Variants in DCHS2 observed in about 807,000 individuals in gnomAD.
DCHS2 encodes dachsous cadherin-related 2.
A neutral mutation model predicts 182.4 loss-of-function variants in DCHS2; 142 were observed. The ratio of observed to expected loss-of-function variants is 0.78; its 90% CI spans 0.68 to 0.89. DCHS2 has a LOEUF of 0.89. Ranked by LOEUF, DCHS2 falls within the 40% of genes least tolerant of loss-of-function variation. The probability of loss-of-function intolerance (pLI) is 0.00; values close to 1 mark genes in which losing one functional copy is unlikely to be tolerated. For synonymous variants in DCHS2, 1,740 were observed against 1,663.3 expected (o/e 1.05, Z -1.12); for missense variants, 4,319 against 4,198.6 (o/e 1.03, Z -0.79).
At chr4:154,334,701 C>T in intron 4 of DCHS2, 167 bp downstream of exon 4, 2 of 589,960 alleles carry the variant, frequency 3.4e-6, no homozygotes, top group Non-Finnish European at 6.0e-6. Flanking sequence ...GTGGGATGGA[C>T]AGAAACAATG....
intron 1 of DCHS2, among the ~76,000 whole-genome samples, chr4:154,399,015 C>T (rs1579046816): frequency 6.6e-6 from 1 of 152,298 alleles, no homozygotes; most frequent in African/African-American, 2.4e-5. Flanking sequence ...ACGATCAGCA[C>T]GAGCCCTCCG....
intron 18 of DCHS2, among the ~76,000 whole-genome samples, 200 bp from the exon 19 acceptor site, chr4:154,239,502 G>A (rs1731699394): frequency 6.6e-6 from 1 of 152,066 alleles, no homozygotes; most frequent in Non-Finnish European, 1.5e-5. Context: ...CAGAAAAAAA[G>A]GTGTTGTTTT....
chr4:154,263,630 T>G (rs1408301631), intron 14 of DCHS2, among the ~76,000 whole-genome samples: 6 of 144,638 alleles, frequency 4.1e-5, no homozygotes, highest in Non-Finnish European at 9.0e-5. Flanking sequence ...TAGGAAAAAC[T>G]AGCATAAAGC....
At chr4:154,304,146 A>G (rs1385409816) in intron 12 of DCHS2, among the ~76,000 whole-genome samples, 1 of 151,802 alleles carries the variant, frequency 6.6e-6, no homozygotes, top group African/African-American at 2.4e-5. Flanking sequence ...TGGTAGCTAA[A>G]GACAGAGACT....
Position 154,490,932 on chromosome 4 carries a change from C to G in DCHS2, c.424G>C (p.Val142Leu). 6.4e-7 allele frequency: 1 copy of G among 1,551,070 alleles called. No individual in the cohort carries two copies. Among genetic ancestry groups the G allele is most frequent in the Non-Finnish European group, 8.7e-7 (1 of 1,146,870 alleles). The change falls in exon 1 of 20, where the codon GTC becomes CTC. Residue 142 changes from valine (V) to leucine (L), a missense_variant. Val to Leu is a conservative substitution (Grantham distance 32, BLOSUM62 1). Transcript: ENST00000357232. ...DRERRDHYSF[V>L]AATLLGAVVQ... ...ACAGCGCCCAGCAGCGTGGCGGCGA[C>G]GAAGCTGTAGTGGTCCCGCCGCTCG... is the stretch of plus-strand genomic sequence containing the variant.
chr4:154,401,159 A>T (rs1293171826), intron 1 of DCHS2, among the ~76,000 whole-genome samples: 1 of 152,152 alleles, frequency 6.6e-6, no homozygotes, highest in Non-Finnish European at 1.5e-5. Flanking sequence ...GAGATCACAC[A>T]TGTGCTTTTT....
At chr4:154,301,224 A>T (rs2111290381) in intron 12 of DCHS2, among the ~76,000 whole-genome samples, 2 of 152,364 alleles carry the variant, frequency 1.3e-5, no homozygotes, top group Middle Eastern at 6.8e-3. Flanking sequence ...GCCTGGGAAG[A>T]TATCCTTATG....
chr4:154,298,479 A>T lies in DCHS2; in HGVS notation c.5835T>A (p.Asp1945Glu). ...CAAGAACCACTGTTCCCACTTCAGC[A>T]TCTTCTCTCACAGAGGACTGGTAAT... ...TLYYQSSVRE[D>E]AEVGTVVLVL... The change falls in exon 13 of 20, where the codon GAT becomes GAA. Residue 1945 changes from aspartate to glutamate, a missense_variant. Physicochemically the swap from Asp to Glu is conservative, Grantham distance 45 (BLOSUM62 2). Coordinates refer to ENST00000357232, the MANE Select transcript of DCHS2 (RefSeq NM_001358235.2). The T allele has an allele frequency of 6.2e-7, 1 of 1,614,182 alleles. No homozygotes were observed. Among genetic ancestry groups the T allele is most frequent in the Non-Finnish European group, 8.5e-7 (1 of 1,180,006 alleles).
intron 7 of DCHS2, chr4:154,323,463 G>C: frequency 7.8e-7 from 1 of 1,286,282 alleles, no homozygotes. Context: ...CCAGATAGCT[G>C]GGACTACAGG....
chr4:154,359,526 G>A (rs1310959119), intron 3 of DCHS2, among the ~76,000 whole-genome samples: 1 of 151,776 alleles, frequency 6.6e-6, no homozygotes, highest in African/African-American at 2.4e-5. Flanking sequence ...CAACAGATAC[G>A]GAGTTTAAAA....
chr4:154,236,547 T>C lies in DCHS2; in HGVS notation c.8105A>G (p.Tyr2702Cys), dbSNP rs1249165018. 6.2e-7 allele frequency: 1 copy of C among 1,614,028 alleles called. No individual in the cohort carries two copies. The highest frequency in any genetic ancestry group is 8.5e-7 in the Non-Finnish European group (1 of 1,179,976). The change falls in exon 20 of 20, where the codon TAC (tyrosine) becomes TGC (cysteine). Residue 2702 changes from tyrosine (Y) to cysteine (C), a missense_variant. By Grantham distance (194) the Tyr-to-Cys change is radical (BLOSUM62 -2). Transcript: ENST00000357232. The part of the protein sequence containing the change: ...RDTGSHAEII[Y>C]NIISGNEKGH... Reference sequence around the variant, plus strand: ...CTTCTCATTTCCAGAGATGATGTTGTAGATGATTTCTGCATGTGACCCTGT... The same window carrying C: ...CTTCTCATTTCCAGAGATGATGTTGCAGATGATTTCTGCATGTGACCCTGT...
chr4:154,305,289 C>T (rs1347577188), intron 10 of DCHS2, 58 bp from the exon 11 acceptor site: 7 of 1,548,180 alleles, frequency 4.5e-6, no homozygotes, highest in Non-Finnish European at 6.1e-6. Flanking sequence ...CATTTATCCA[C>T]TTTCCTATTT....
rs113762463 is a variant in DCHS2, at chr4:154,373,053, G to C, written c.2244+4200C>G. ...CAGAGGAAAAACCAGAGATTGTCAA[G>C]GTAACAACATAAAGTTAAAGGACTT... On this transcript the variant is annotated intron_variant, in intron 2 of 19. Coordinates refer to ENST00000357232, the MANE Select transcript of DCHS2 (RefSeq NM_001358235.2). 2.6e-5 allele frequency among the ~76,000 whole-genome samples: 4 copies of C among 152,256 alleles called. 1 individual carries two copies. Among genetic ancestry groups the C allele is most frequent in the African/African-American group, 9.6e-5 (4 of 41,568 alleles).
At chr4:154,314,602 A>G (rs1735786221) in intron 10 of DCHS2, among the ~76,000 whole-genome samples, 1 of 152,208 alleles carries the variant, frequency 6.6e-6, no homozygotes, top group Non-Finnish European at 1.5e-5. Context: ...AATATTTTAT[A>G]ATTTACTTTA....
intron 1 of DCHS2, among the ~76,000 whole-genome samples, chr4:154,438,771 T>G (rs1347233338): frequency 6.6e-6 from 1 of 152,208 alleles, no homozygotes; most frequent in Non-Finnish European, 1.5e-5. Context: ...TAATCATTTT[T>G]AAATTTTTTT....
chr4:154,291,964 T>C (rs1308379011), intron 13 of DCHS2, among the ~76,000 whole-genome samples: 1 of 152,192 alleles, frequency 6.6e-6, no homozygotes, highest in Non-Finnish European at 1.5e-5. Flanking sequence ...CTGGATTGTT[T>C]GCAACACAAA....
At chr4:154,341,109 T>C (rs1356424841) in intron 3 of DCHS2, among the ~76,000 whole-genome samples, 7 of 151,992 alleles carry the variant, frequency 4.6e-5, no homozygotes, top group East Asian at 3.9e-4. Flanking sequence ...TGGCTCACGC[T>C]TGTAATCCCA....
At chr4:154,484,847 C>T (rs1460503589) in intron 1 of DCHS2, among the ~76,000 whole-genome samples, 1 of 152,200 alleles carries the variant, frequency 6.6e-6, no homozygotes, top group Non-Finnish European at 1.5e-5. Context: ...CTGATCACAA[C>T]TTTCTGAAGT....
chr4:154,313,496 AT>A (rs964762172), intron 10 of DCHS2, among the ~76,000 whole-genome samples: 4 of 152,150 alleles, frequency 2.6e-5, no homozygotes, highest in African/African-American at 4.8e-5. Flanking sequence ...ACACTGTGGT[AT>A]TTTTTTAAAA....
Sources: allele counts gnomAD v4.1 joint callset (sites outside exome capture counted in the v4.1 genomes callset), GRCh38; gene constraint gnomAD v4.1.1; transcripts MANE v1.5; gene names NCBI Gene and HGNC (gene_info 2026-07-23, HGNC 2026-07-21).